ERF: variants seen among roughly 807,000 people sequenced by gnomAD.
ERF encodes the protein ETS2 repressor factor.
In ERF, 10 loss-of-function variants were observed where a neutral mutation model predicts 41.6. The ratio of observed to expected loss-of-function variants is 0.24; its 90% CI spans 0.15 to 0.41. The LOEUF (loss-of-function observed/expected upper bound fraction) is 0.41, where lower values mean the gene tolerates loss of function less well. Ranked by LOEUF, ERF falls within the 10% of genes least tolerant of loss-of-function variation. ERF has a pLI of 1.00. For missense variants in ERF, 621 were observed against 763.2 expected, an observed-to-expected ratio of 0.81 and a Z score of 2.19; for synonymous variants, 395 against 342.4, an observed-to-expected ratio of 1.15 and a Z score of -1.70.
chr19:42,248,981 A>G lies in ERF; in HGVS notation c.1131T>C (p.Phe377=). ...SSSSSSSPFK[F]KLQPPPLGRR... ...GTCCGAGTGGGGGCGGCTGGAGCTTAAACTTGAATGGGGAGGAAGAAGAAG... is the reference window on the plus strand; with the variant it reads ...GTCCGAGTGGGGGCGGCTGGAGCTTGAACTTGAATGGGGAGGAAGAAGAAG... Residue 377 remains phenylalanine, a synonymous_variant, in exon 4 of 4, where the codon TTT becomes TTC. Coordinates refer to ENST00000222329, the MANE Select transcript of ERF (RefSeq NM_006494.4). This position sits in a 1 kb window ranked among gnomAD's most constrained non-coding sequence, Gnocchi z 4.2. The G allele has an allele frequency of 1.9e-6, 3 of 1,607,992 alleles. No individual in the cohort carries two copies. Among genetic ancestry groups the G allele is most frequent in the Non-Finnish European group, 2.5e-6 (3 of 1,179,448 alleles).
At chr19:42,251,827 A>AC (rs1295754786) in intron 1 of ERF, among the ~76,000 whole-genome samples, 6 of 151,628 alleles carry the variant, frequency 4.0e-5, no homozygotes, top group African/African-American at 1.2e-4. Flanking sequence ...CACAGGGACC[A>AC]CCCCCTCCAA....
At position 42,254,842 on chromosome 19, in the gene ERF, G is replaced by A. The variant is rs936341515; in HGVS notation, c.22+136C>T. ...CCGCTCGCGCCACGAGAAGCAACAG[G>A]TCTCCAGTGCTTGAGGGGTCCCCCA... On this transcript the variant is annotated intron_variant, in intron 1 of 3. Transcript: ENST00000222329. The A allele has an allele frequency of 1.2e-5, 12 of 1,012,684 alleles. No individual in the cohort carries two copies. The East Asian group carries it at 3.3e-4, about 28-fold the overall frequency. The allele number at this position is 1,012,684 out of a possible 1,614,324, so 62.7% of individuals were successfully genotyped here. A position where few individuals can be genotyped will look rare whatever the true frequency, so the allele number is the denominator to read the frequency against.
intron 1 of ERF, chr19:42,254,003 C>T (rs978730712): frequency 2.4e-5 from 23 of 955,056 alleles, no homozygotes; most frequent in Middle Eastern, 5.3e-4. Context: ...ACCCCTCCCC[C>T]TGCGCGCTCG....
Position 42,250,555 on chromosome 19 carries a change from G to T in ERF, c.33C>A (p.Phe11Leu), listed in dbSNP as rs375582175. MKTPADTGFA[F>L]PDWAYKPESS... is the part of the protein sequence containing the mutation. ...ACTCTGGCTTGTAGGCCCAATCCGG[G>T]AAGGCAAACCCTGGGGACGGGAGGC... Residue 11 changes from phenylalanine to leucine, a missense_variant, in exon 2 of 4, where the codon TTC (phenylalanine) becomes TTA (leucine). Phe to Leu is a conservative substitution (Grantham distance 22). Transcript: ENST00000222329. This position sits in a 1 kb window ranked among gnomAD's most constrained non-coding sequence, Gnocchi z 5.1. 4.3e-6 allele frequency: 7 copies of T among 1,613,344 alleles called. No homozygotes were observed. Among genetic ancestry groups the T allele is most frequent in the Non-Finnish European group, 5.9e-6 (7 of 1,179,972 alleles).
intron 1 of ERF, among the ~76,000 whole-genome samples, chr19:42,252,848 C>T (rs947028333): frequency 5.3e-5 from 8 of 152,120 alleles, no homozygotes; most frequent in Non-Finnish European, 7.3e-5. Context: ...GCTGTGTATG[C>T]GTCCACGTGC....
chr19:42,250,366 G>C lies in ERF; in HGVS notation c.222C>G (p.Pro74=), dbSNP rs1465031316. ...ARLWGVRKCK[P]QMNYDKLSRA... ...GGCTCAGCTTGTCGTAATTCATCTG[G>C]GGCTTGCACTTGCGAACGCCCCACA... The change falls in exon 2 of 4, where the codon CCC becomes CCG. Residue 74 remains proline (P), a synonymous_variant. Transcript: ENST00000222329. This position sits in a 1 kb window ranked among gnomAD's most constrained non-coding sequence, Gnocchi z 5.1. 1 of 1,614,076 alleles carries C rather than the reference G, an allele frequency of 6.2e-7. No homozygotes were observed. Among genetic ancestry groups the C allele is most frequent in the East Asian group, 2.2e-5 (1 of 44,876 alleles).
Position 42,249,742 on chromosome 19 carries a change from G to A in ERF, c.374-4C>T, listed in dbSNP as rs2036412444. ...GCACTCTGGGGCACTGCACCCCCTG[G>A]CAGAAGGGAGACAGTGTCAAGGCCC... On this transcript the variant is annotated splice_polypyrimidine_tract_variant and splice_region_variant and intron_variant, in intron 3 of 3. Coordinates refer to ENST00000222329, the MANE Select transcript of ERF (RefSeq NM_006494.4). This position sits in a 1 kb window ranked among gnomAD's most constrained non-coding sequence, Gnocchi z 8.6. 3.1e-6 allele frequency: 5 copies of A among 1,606,880 alleles called. No homozygotes were observed. The African/African-American group carries it at 4.0e-5, about 13-fold the overall frequency.
At position 42,249,258 on chromosome 19, in the gene ERF, G is replaced by A. The variant is rs1317815490; in HGVS notation, c.854C>T (p.Pro285Leu). Residue 285 changes from proline to leucine, a missense_variant, in exon 4 of 4, where the codon CCG becomes CTG. This residue lies in a region of ERF where 569 missense variants were observed against 625.5 expected (regional missense o/e 0.91). Coordinates refer to ENST00000222329, the MANE Select transcript of ERF (RefSeq NM_006494.4). The surrounding 1 kb of genome is among the most constrained non-coding windows in gnomAD (Gnocchi z 8.6). Reference sequence around the variant, plus strand: ...CCCCCCGCCACCACTGGGGTACATCGGGCTCAGCGTGGGCGAGGGAGTGTA... The same window carrying A: ...CCCCCCGCCACCACTGGGGTACATCAGGCTCAGCGTGGGCGAGGGAGTGTA... ...LAYTPSPTLS[P>L]MYPSGGGGPS... 1 of 1,611,690 alleles carries A rather than the reference G, an allele frequency of 6.2e-7. No individual in the cohort carries two copies. The highest frequency in any genetic ancestry group is 8.5e-7 in the Non-Finnish European group (1 of 1,179,026).
At position 42,255,111 on chromosome 19, in the gene ERF, C is replaced by A; in HGVS notation, c.-112G>T. 1 of 988,418 alleles carries A rather than the reference C, an allele frequency of 1.0e-6. No individual in the cohort carries two copies. The highest frequency in any genetic ancestry group is 1.3e-6 in the Non-Finnish European group (1 of 760,218). 61.2% of individuals were successfully genotyped at this position (988,418 alleles called of 1,614,324 possible). A position where few individuals can be genotyped will look rare whatever the true frequency, so the allele number is the denominator to read the frequency against. On this transcript the variant is annotated 5_prime_UTR_variant, in exon 1 of 4. Transcript: ENST00000222329. ...CCGCCCTCGCCGCCTCACCCGGCCT[C>A]GCCTCTCAGAGCCTCTCCCCTCCCC...
Position 42,249,503 on chromosome 19 carries a change from A to T in ERF, c.609T>A (p.Asp203Glu). The T allele has an allele frequency of 1.9e-6, 3 of 1,612,254 alleles. No homozygotes were observed. The highest frequency in any genetic ancestry group is 1.1e-5 in the South Asian group (1 of 91,060). Residue 203 changes from aspartate to glutamate, a missense_variant, in exon 4 of 4, where the codon GAT becomes GAA. Asp to Glu is a conservative substitution (Grantham distance 45). Around this residue, in one of 3 missense-constraint regions of ERF, gnomAD observed 569 missense variants for 625.5 expected, o/e 0.91. Transcript: ENST00000222329. The surrounding 1 kb of genome is among the most constrained non-coding windows in gnomAD (Gnocchi z 8.6). ...GAGGGCCGGGTGGTCGGGCGCGGGG[A>T]TCCTCTCCCAGCGGTTCCTCCAGCT... ...TSELEEPLGE[D>E]PRARPPGPPD...
At chr19:42,253,083 G>A (rs867943061) in intron 1 of ERF, among the ~76,000 whole-genome samples, 2 of 152,180 alleles carry the variant, frequency 1.3e-5, no homozygotes, top group South Asian at 4.1e-4. Context: ...GATTCTCCCA[G>A]ACAGACTATG....
In ERF at chr19:42,248,595, T is replaced by C; in HGVS notation, c.1517A>G (p.Asp506Gly). Residue 506 changes from aspartate (D) to glycine (G), a missense_variant, in exon 4 of 4, where the codon GAT (aspartate) becomes GGT (glycine). Physicochemically the swap from Asp to Gly is moderately conservative, Grantham distance 94. This residue lies in a region of ERF where 569 missense variants were observed against 625.5 expected (regional missense o/e 0.91). Coordinates refer to ENST00000222329, the MANE Select transcript of ERF (RefSeq NM_006494.4). This position sits in a 1 kb window ranked among gnomAD's most constrained non-coding sequence, Gnocchi z 4.2. ...GGGGPAGGFE[D>G]EGEDKKVRGE... ...ACGCACCTTCTTGTCCTCACCCTCA[T>C]CCTCAAAGCCCCCAGCGGGGCCCCC... 2.5e-6 allele frequency: 4 copies of C among 1,582,960 alleles called. No individual in the cohort carries two copies. Among genetic ancestry groups the C allele is most frequent in the Non-Finnish European group, 3.4e-6 (4 of 1,163,702 alleles).
intron 1 of ERF, chr19:42,254,657 A>C: frequency 1.4e-5 from 3 of 220,544 alleles, no homozygotes; most frequent in Non-Finnish European, 1.8e-5. Flanking sequence ...CCCAGAGTGC[A>C]ACGTGACAAG....
rs1320849044 is a variant in ERF at position 42,248,801 on chromosome 19, C to T, written c.1311G>A (p.Glu437=). The part of the protein sequence containing the change: ...VEPISEGESE[E]VEVTDISDED... ...CATCACTGATGTCAGTCACCTCTACCTCCTCCGACTCGCCTTCCGAGATGG... is the reference window on the plus strand; with the variant it reads ...CATCACTGATGTCAGTCACCTCTACTTCCTCCGACTCGCCTTCCGAGATGG... The change falls in exon 4 of 4, where the codon GAG becomes GAA. Residue 437 remains glutamate, a synonymous_variant. Coordinates refer to ENST00000222329, the MANE Select transcript of ERF (RefSeq NM_006494.4). The surrounding 1 kb of genome is among the most constrained non-coding windows in gnomAD (Gnocchi z 4.2). 1 of 1,613,328 alleles carries T rather than the reference C, an allele frequency of 6.2e-7. No individual in the cohort carries two copies. Among genetic ancestry groups the T allele is most frequent in the East Asian group, 2.2e-5 (1 of 44,884 alleles).
rs1231553249 is a variant in ERF at position 42,248,370 on chromosome 19, CAA to C, written c.*93_*94del. ...GAAAAGGGAGGAGGCAGGGAAGAGA[CAA>C]GAGAGCTGCCCTCACCTCCAGGGCA... On this transcript the variant is annotated 3_prime_UTR_variant, in exon 4 of 4. Coordinates refer to ENST00000222329, the MANE Select transcript of ERF (RefSeq NM_006494.4). The surrounding 1 kb of genome is among the most constrained non-coding windows in gnomAD (Gnocchi z 4.2). 3.9e-5 allele frequency: 45 copies of C among 1,143,470 alleles called. No homozygotes were observed. The Admixed American group carries it at 7.8e-4, about 20-fold the overall frequency. 70.8% of individuals were successfully genotyped at this position (1,143,470 alleles called of 1,614,324 possible). A position where few individuals can be genotyped will look rare whatever the true frequency, so the allele number is the denominator to read the frequency against.
In ERF at chr19:42,248,313, G is replaced by A. The variant is rs2036365599; in HGVS notation, c.*152C>T. On this transcript the variant is annotated 3_prime_UTR_variant, in exon 4 of 4. Coordinates refer to ENST00000222329, the MANE Select transcript of ERF (RefSeq NM_006494.4). The surrounding 1 kb of genome is among the most constrained non-coding windows in gnomAD (Gnocchi z 4.2). ...CCACCCCCACCATTTTTAAAAAAAAGAAATTAAAGTTTTATACAAAATGTG... is the reference window on the plus strand; with the variant it reads ...CCACCCCCACCATTTTTAAAAAAAAAAAATTAAAGTTTTATACAAAATGTG... The A allele has an allele frequency of 1.8e-5, 7 of 384,310 alleles. No individual in the cohort carries two copies. Among genetic ancestry groups the A allele is most frequent in the African/African-American group, 2.3e-5 (1 of 42,924 alleles). The allele number at this position is 384,310 out of a possible 1,614,324, so 23.8% of individuals were successfully genotyped here.
In ERF at chr19:42,248,731, G is replaced by T; in HGVS notation, c.1381C>A (p.Pro461Thr). ...GEVFKTPRAP[P>T]APPKPEPGEA... ...CCGGGCTCAGGCTTAGGGGGTGCAG[G>T]TGGGGCACGGGGCGTCTTGAACACC... Residue 461 changes from proline (P) to threonine (T), a missense_variant, in exon 4 of 4, where the codon CCT (proline) becomes ACT (threonine). Transcript: ENST00000222329. The surrounding 1 kb of genome is among the most constrained non-coding windows in gnomAD (Gnocchi z 4.2). The T allele has an allele frequency of 6.2e-7, 1 of 1,613,638 alleles. No homozygotes were observed.
chr19:42,250,348 C>T lies in ERF; in HGVS notation c.240G>A (p.Lys80=). The change falls in exon 2 of 4, where the codon AAG becomes AAA. Residue 80 remains lysine, a synonymous_variant. Transcript: ENST00000222329. The surrounding 1 kb of genome is among the most constrained non-coding windows in gnomAD (Gnocchi z 5.1). The stretch of plus-strand genomic sequence containing the variant: ...GTCCTCACCGCAGGGCCCGGCTCAG[C>T]TTGTCGTAATTCATCTGGGGCTTGC... ...RKCKPQMNYD[K]LSRALRYYYN... is the part of the protein sequence containing the mutation. The T allele has an allele frequency of 6.2e-7, 1 of 1,614,100 alleles. No homozygotes were observed. Among genetic ancestry groups the T allele is most frequent in the South Asian group, 1.1e-5 (1 of 91,074 alleles).
Position 42,248,240 on chromosome 19 carries a change from T to A in ERF, c.*225A>T. The A allele has an allele frequency of 6.9e-6, 1 of 145,880 alleles. No homozygotes were observed. The allele number at this position is 145,880 out of a possible 1,614,324, so 9.0% of individuals were successfully genotyped here. ...CCCCTACCACCACTTTGCCCAGAGCTTAGAAACCCACAGAGACAGGGAATA... is the reference window on the plus strand; with the variant it reads ...CCCCTACCACCACTTTGCCCAGAGCATAGAAACCCACAGAGACAGGGAATA... On this transcript the variant is annotated 3_prime_UTR_variant, in exon 4 of 4. Transcript: ENST00000222329. This position sits in a 1 kb window ranked among gnomAD's most constrained non-coding sequence, Gnocchi z 4.2.
Sources: allele counts gnomAD v4.1 joint callset (sites outside exome capture counted in the v4.1 genomes callset), GRCh38; gene constraint gnomAD v4.1.1; regional missense constraint gnomAD v4.1.1; non-coding constraint Gnocchi (gnomAD v3.1); transcripts MANE v1.5; gene names NCBI Gene and HGNC (gene_info 2026-07-23, HGNC 2026-07-21).